The following PXT1 variants were observed in gnomAD, a reference collection of about 807,000 sequenced individuals.
PXT1 encodes peroxisomal testis-specific protein 1.
PXT1 carries 11 observed loss-of-function variants against 11.0 expected under a neutral mutation model. The observed-to-expected ratio is 1.00, with a 90% CI of 0.63 to 1.66. PXT1 has a LOEUF of 1.66. PXT1 is among the 40% of genes most tolerant of loss of function. The probability of loss-of-function intolerance (pLI) is 0.00; values close to 1 mark genes in which losing one functional copy is unlikely to be tolerated. For synonymous variants in PXT1, 43 were observed against 51.4 expected, an observed-to-expected ratio of 0.84 and a Z score of 0.70; for missense variants, 141 against 155.5, an observed-to-expected ratio of 0.91 and a Z score of 0.49.
intron 3 of PXT1, among the ~76,000 whole-genome samples, 200 bp downstream of exon 3, chr6:36,425,714 G>A (rs969416763): frequency 1.3e-5 from 2 of 151,590 alleles, no homozygotes; most frequent in South Asian, 2.1e-4. Context: ...CTTAAACCCA[G>A]GAGCCAGAAG....
intron 2 of PXT1, 63 bp from the exon 3 acceptor site, chr6:36,426,154 A>G: frequency 3.0e-6 from 3 of 1,006,606 alleles, no homozygotes; most frequent in Non-Finnish European, 4.2e-6. Flanking sequence ...GGTATTTTAG[A>G]TAAATATTAA....
chr6:36,404,828 T>C (rs1561926354), intron 3 of PXT1, among the ~76,000 whole-genome samples: 1 of 151,990 alleles, frequency 6.6e-6, no homozygotes, highest in African/African-American at 2.4e-5. Flanking sequence ...CGTGGTGGCA[T>C]GCACTTGTAA....
At chr6:36,423,910 T>C (rs1389483267) in intron 3 of PXT1, among the ~76,000 whole-genome samples, 1 of 152,176 alleles carries the variant, frequency 6.6e-6, no homozygotes, top group Non-Finnish European at 1.5e-5. Flanking sequence ...AAACGGGAGT[T>C]CTAGGCATGA....
intron 3 of PXT1, among the ~76,000 whole-genome samples, chr6:36,415,213 C>T (rs937204005): frequency 2.0e-5 from 3 of 152,068 alleles, no homozygotes; most frequent in African/African-American, 7.2e-5. Flanking sequence ...GAGGCTGAGG[C>T]AAGTGGATCA....
intron 3 of PXT1, among the ~76,000 whole-genome samples, chr6:36,402,698 G>C (rs1774230730): frequency 6.6e-6 from 1 of 152,200 alleles, no homozygotes; most frequent in Non-Finnish European, 1.5e-5. Flanking sequence ...GGGGGTGACA[G>C]ACAGGGAGGT....
intron 2 of PXT1, among the ~76,000 whole-genome samples, chr6:36,436,045 C>CA (rs1399885960): frequency 3.2e-5 from 4 of 123,166 alleles, no homozygotes; most frequent in African/African-American, 1.2e-4. Flanking sequence ...AACTGCTTAA[C>CA]AATGATTGGT....
chr6:36,397,339 G>A (rs1046755686), intron 4 of PXT1, among the ~76,000 whole-genome samples: 18 of 152,184 alleles, frequency 1.2e-4, no homozygotes, highest in African/African-American at 4.3e-4. Flanking sequence ...TACTTAGGAG[G>A]TTGAGGTGGG....
At chr6:36,430,197 A>G (rs1295566290) in intron 2 of PXT1, among the ~76,000 whole-genome samples, 3 of 150,306 alleles carry the variant, frequency 2.0e-5, no homozygotes, top group African/African-American at 7.4e-5. Flanking sequence ...ACAGAGCGAC[A>G]CTCCATCTCA....
intron 2 of PXT1, among the ~76,000 whole-genome samples, chr6:36,430,570 C>G (rs1048911443): frequency 6.6e-6 from 1 of 152,098 alleles, no homozygotes; most frequent in Admixed American, 6.6e-5. Flanking sequence ...TGCAGGCAGC[C>G]TCTAGAAGCC....
intron 1 of PXT1, among the ~76,000 whole-genome samples, chr6:36,439,111 G>C (rs1303756844): frequency 6.6e-6 from 1 of 151,596 alleles, no homozygotes; most frequent in Non-Finnish European, 1.5e-5. Context: ...CAATTCTCCT[G>C]CCTCAGCCTC....
chr6:36,436,646 T>C (rs1774767630), intron 2 of PXT1, among the ~76,000 whole-genome samples: 1 of 152,100 alleles, frequency 6.6e-6, no homozygotes, highest in African/African-American at 2.4e-5. Flanking sequence ...GTGTTTGAGG[T>C]ATGTGAAAGT....
intron 3 of PXT1, among the ~76,000 whole-genome samples, chr6:36,422,711 TAAAA>T (rs371311688): frequency 7.2e-4 from 109 of 152,130 alleles, no homozygotes; most frequent in South Asian, 5.8e-3. Context: ...GGCAAAAAAT[TAAAA>T]AAAGCAAAAG....
intron 4 of PXT1, among the ~76,000 whole-genome samples, chr6:36,392,753 G>A (rs915923934): frequency 1.7e-4 from 26 of 152,280 alleles, no homozygotes; most frequent in African/African-American, 6.0e-4. Context: ...AGTAACAACT[G>A]TTTATGTCGG....
intron 2 of PXT1, among the ~76,000 whole-genome samples, chr6:36,433,837 A>AAAAAAAAAAAG (rs10677902): frequency 1.5e-5 from 2 of 132,852 alleles, no homozygotes; most frequent in Non-Finnish European, 1.6e-5. Context: ...AAAAAAAAAA[A>AAAAAAAAAAAG]AAAGAAAAGA....
chr6:36,396,318 G>A (rs1440457626), intron 4 of PXT1, among the ~76,000 whole-genome samples: 1 of 152,164 alleles, frequency 6.6e-6, no homozygotes, highest in Non-Finnish European at 1.5e-5. Flanking sequence ...GTTGGGGCAG[G>A]AGCTCCCTGG....
intron 3 of PXT1, among the ~76,000 whole-genome samples, chr6:36,413,842 T>A (rs1401704342): frequency 6.6e-6 from 1 of 151,868 alleles, no homozygotes; most frequent in Non-Finnish European, 1.5e-5. Context: ...TACAAAAAAA[T>A]TTAAAAATTA....
chr6:36,432,182 T>C (rs769260689), intron 2 of PXT1, among the ~76,000 whole-genome samples: 5 of 152,180 alleles, frequency 3.3e-5, no homozygotes, highest in Non-Finnish European at 7.3e-5. Context: ...CATCTAGGAA[T>C]GATGTTTAAG....
At chr6:36,410,304 G>A (rs1331333014) in intron 3 of PXT1, among the ~76,000 whole-genome samples, 1 of 152,120 alleles carries the variant, frequency 6.6e-6, no homozygotes, top group Non-Finnish European at 1.5e-5. Context: ...TACAAAATTA[G>A]CCTGGCATGG....
intron 3 of PXT1, among the ~76,000 whole-genome samples, chr6:36,417,495 C>T (rs1472988561): frequency 6.6e-6 from 1 of 151,518 alleles, no homozygotes; most frequent in African/African-American, 2.4e-5. Flanking sequence ...TGGCCCACTC[C>T]TGCAATCCCA....
Sources: allele counts gnomAD v4.1 joint callset (sites outside exome capture counted in the v4.1 genomes callset), GRCh38; gene constraint gnomAD v4.1.1; transcripts MANE v1.5; gene names NCBI Gene and HGNC (gene_info 2026-07-23, HGNC 2026-07-21).